Variants in CUX2 observed in about 807,000 individuals in gnomAD.
The protein encoded by CUX2 is homeobox protein cut-like 2.
CUX2 carries 40 observed loss-of-function variants against 144.8 expected under a neutral mutation model. The observed-to-expected ratio is 0.28, with a 90% confidence interval of 0.21 to 0.36. The LOEUF is 0.36. Ranked by LOEUF, CUX2 falls within the 10% of genes least tolerant of loss-of-function variation. CUX2 has a pLI of 1.00. For missense variants in CUX2, 1,615 were observed against 1,994.0 expected (o/e 0.81, Z 3.62); for synonymous variants, 827 against 875.6 (o/e 0.94, Z 0.98).
At chr12:111,066,513 A>T (rs1871025890) in intron 1 of CUX2, among the ~76,000 whole-genome samples, 1 of 152,120 alleles carries the variant, frequency 6.6e-6, no homozygotes, top group Admixed American at 6.5e-5. Context: ...GGCTGAACAA[A>T]TCCTGGGAGT....
chr12:111,240,348 C>G (rs1043527049), intron 3 of CUX2, among the ~76,000 whole-genome samples: 2 of 152,252 alleles, frequency 1.3e-5, no homozygotes, highest in African/African-American at 4.8e-5. Context: ...CTCCAGCCCT[C>G]TCTCTAGTCT....
chr12:111,233,803 G>T (rs1882599963), intron 3 of CUX2, among the ~76,000 whole-genome samples: 1 of 152,216 alleles, frequency 6.6e-6, no homozygotes, highest in Non-Finnish European at 1.5e-5. Context: ...ACCCAGGCCT[G>T]TCTGCATTAG....
chr12:111,265,435 G>T (rs1021366081), intron 4 of CUX2, among the ~76,000 whole-genome samples: 1 of 151,600 alleles, frequency 6.6e-6, no homozygotes, highest in Admixed American at 6.6e-5. Flanking sequence ...TCCGCCTCCC[G>T]GGTTCAAGCA....
intron 1 of CUX2, among the ~76,000 whole-genome samples, chr12:111,063,333 AC>A (rs921727309): frequency 2.9e-4 from 44 of 150,788 alleles, no homozygotes; most frequent in African/African-American, 9.8e-4. Context: ...GCAAGCAAAC[AC>A]CCCCTCCCCC....
rs1435629724 is a variant in CUX2, at chr12:111,287,768, C to A, written c.302-3650C>A. The stretch of plus-strand genomic sequence containing the variant: ...GGACGCCCATTGTCCAAGCCCCTGC[C>A]ACCTAAACAAACAGGCCACAGCAGA... On this transcript the variant is annotated intron_variant, in intron 4 of 21. Coordinates refer to ENST00000261726, the MANE Select transcript of CUX2 (RefSeq NM_015267.4). This position sits in a 1 kb window ranked among gnomAD's most constrained non-coding sequence, Gnocchi z 4.2. Among the ~76,000 whole-genome samples, 2 of 152,250 alleles carry A rather than the reference C, an allele frequency of 1.3e-5. No homozygotes were observed. The highest frequency in any genetic ancestry group is 4.8e-5 in the African/African-American group (2 of 41,468).
At chr12:111,118,584 C>T (rs998547621) in intron 1 of CUX2, among the ~76,000 whole-genome samples, 3 of 152,206 alleles carry the variant, frequency 2.0e-5, no homozygotes, top group Admixed American at 1.3e-4. Flanking sequence ...TTCGCCTCCA[C>T]CATCAGCCTC....
At chr12:111,343,401 C>A (rs1888659969) in intron 21 of CUX2, among the ~76,000 whole-genome samples, 1 of 152,106 alleles carries the variant, frequency 6.6e-6, no homozygotes, top group Non-Finnish European at 1.5e-5. Context: ...ATTTCAAGGA[C>A]CATCTCTGAG....
chr12:111,204,187 A>G (rs1301724887), intron 1 of CUX2, among the ~76,000 whole-genome samples: 1 of 152,248 alleles, frequency 6.6e-6, no homozygotes, highest in African/African-American at 2.4e-5. Flanking sequence ...CTGGCAAGCA[A>G]GAAGGTCAGG....
At position 111,124,706 on chromosome 12, in the gene CUX2, T is replaced by C. The variant is rs542377586; in HGVS notation, c.64-89494T>C. On this transcript the variant is annotated intron_variant, in intron 1 of 21. Transcript: ENST00000261726. The stretch of plus-strand genomic sequence containing the variant: ...AGGTTTGTTACCTGCTTATCTTGCC[T>C]GATGCTGAGGTTTCAGGTACAAATC... Among the ~76,000 whole-genome samples the C allele has an allele frequency of 5.3e-5, 8 of 152,364 alleles. No individual in the cohort carries two copies. In the South Asian group the frequency reaches 1.0e-3, roughly 20 times the overall value.
At chr12:111,136,443 G>A (rs991654079) in intron 1 of CUX2, among the ~76,000 whole-genome samples, 81 of 152,174 alleles carry the variant, frequency 5.3e-4, no homozygotes, top group African/African-American at 1.9e-3. Context: ...GACCTCGCCA[G>A]ACCCAACAGG....
chr12:111,227,858 G>C (rs989178808), intron 3 of CUX2, among the ~76,000 whole-genome samples: 2 of 152,126 alleles, frequency 1.3e-5, no homozygotes, highest in Admixed American at 6.5e-5. Flanking sequence ...TGTATACAAG[G>C]GTGAGTGCCA....
chr12:111,287,176 G>T lies in CUX2; in HGVS notation c.302-4242G>T, dbSNP rs1181483337. 6.6e-6 allele frequency among the ~76,000 whole-genome samples: 1 copy of T among 152,248 alleles called. No homozygotes were observed. The highest frequency in any genetic ancestry group is 2.4e-5 in the African/African-American group (1 of 41,472). On this transcript the variant is annotated intron_variant, in intron 4 of 21. Transcript: ENST00000261726. The surrounding 1 kb of genome is among the most constrained non-coding windows in gnomAD (Gnocchi z 4.2). ...GAATGACCCAGAGGGCCTCGGAGTAGAACGAAATGTCAATACCTAATCCCT... is the reference window on the plus strand; with the variant it reads ...GAATGACCCAGAGGGCCTCGGAGTATAACGAAATGTCAATACCTAATCCCT...
At chr12:111,241,722 C>G (rs909373743) in intron 3 of CUX2, among the ~76,000 whole-genome samples, 1 of 152,280 alleles carries the variant, frequency 6.6e-6, no homozygotes, top group Non-Finnish European at 1.5e-5. Context: ...TGGCCAGGCC[C>G]TTGAGGGGCA....
chr12:111,338,566 C>G lies in CUX2; in HGVS notation c.3385+92C>G, dbSNP rs1432074054. The stretch of plus-strand genomic sequence containing the variant: ...TGTAACCCACATAAACCCAGGGCTC[C>G]CATGGTCCAGTCTCAGCCTACTATG... On this transcript the variant is annotated intron_variant, in intron 20 of 21. Transcript: ENST00000261726. 6 of 1,261,938 alleles carry G rather than the reference C, an allele frequency of 4.8e-6. No individual in the cohort carries two copies. In the African/African-American group the frequency reaches 9.0e-5, roughly 19 times the overall value. The allele number at this position is 1,261,938 out of a possible 1,614,324, so 78.2% of individuals were successfully genotyped here.
chr12:111,072,941 G>A (rs1871317600), intron 1 of CUX2, among the ~76,000 whole-genome samples: 1 of 152,108 alleles, frequency 6.6e-6, no homozygotes, highest in Non-Finnish European at 1.5e-5. Context: ...TATTCAATGT[G>A]GCCATTATAG....
rs1322757306 is a variant in CUX2, at chr12:111,160,894, C to A, written c.64-53306C>A. 6.6e-6 allele frequency among the ~76,000 whole-genome samples: 1 copy of A among 152,150 alleles called. No homozygotes were observed. Among genetic ancestry groups the A allele is most frequent in the East Asian group, 1.9e-4 (1 of 5,186 alleles). On this transcript the variant is annotated intron_variant, in intron 1 of 21. Coordinates refer to ENST00000261726, the MANE Select transcript of CUX2 (RefSeq NM_015267.4). The surrounding 1 kb of genome is among the most constrained non-coding windows in gnomAD (Gnocchi z 4.1). ...GGGTGGACTCCGTGCCGCTTCCTGC[C>A]ATGGGGAAGATGCAGGGAGGAATAG...
rs147032946 is a variant in CUX2 at position 111,151,263 on chromosome 12, C to T, written c.64-62937C>T. 6.5e-3 allele frequency among the ~76,000 whole-genome samples: 990 copies of T among 152,272 alleles called. 2 individuals are homozygous for T. Among genetic ancestry groups the T allele is most frequent in the Middle Eastern group, 0.01 (3 of 294 alleles). ...AGTTGAATAAATTTTTAAAAAAATT[C>T]ATTCGTTACCATGCGCTGTTATGAA... On this transcript the variant is annotated intron_variant, in intron 1 of 21. Coordinates refer to ENST00000261726, the MANE Select transcript of CUX2 (RefSeq NM_015267.4).
intron 4 of CUX2, among the ~76,000 whole-genome samples, chr12:111,279,388 C>T (rs2136312847): frequency 6.6e-6 from 1 of 152,270 alleles, no homozygotes; most frequent in South Asian, 2.1e-4. Context: ...GAATTGTGTC[C>T]TCCAGAAAGA....
chr12:111,174,986 G>A (rs1456340773), intron 1 of CUX2, among the ~76,000 whole-genome samples: 1 of 152,200 alleles, frequency 6.6e-6, no homozygotes, highest in African/African-American at 2.4e-5. Flanking sequence ...AGGAAGAGGA[G>A]TCACCATGCA....
Sources: gnomAD v4.1 joint callset for allele counts (sites outside exome capture counted in the v4.1 genomes callset) on GRCh38, gnomAD v4.1.1 for gene constraint, Gnocchi (gnomAD v3.1) non-coding constraint, MANE v1.5 for transcripts, NCBI Gene and HGNC (gene_info 2026-07-23, HGNC 2026-07-21) for gene names.